Variants in SLC39A11 observed in about 807,000 individuals in gnomAD.
The protein encoded by SLC39A11 is solute carrier family 39 member 11, also known as zinc transporter ZIP11.
Under a neutral mutation model 36.1 loss-of-function variants are expected in SLC39A11, and 33 were observed. The observed-to-expected ratio is 0.91, with a 90% confidence interval of 0.69 to 1.22. The LOEUF (loss-of-function observed/expected upper bound fraction) is 1.22. Among genes scored for constraint, SLC39A11 ranks in the 50% most tolerant of loss-of-function variants. SLC39A11 has a pLI of 0.00. For synonymous variants in SLC39A11, 166 were observed against 170.3 expected (o/e 0.97, Z 0.20); for missense variants, 432 against 430.3 (o/e 1.00, Z -0.03).
intron 5 of SLC39A11, among the ~76,000 whole-genome samples, chr17:72,894,831 A>C (rs145691996): frequency 6.6e-6 from 1 of 152,090 alleles, no homozygotes; most frequent in Non-Finnish European, 1.5e-5. Flanking sequence ...GGAGTGGTCA[A>C]TTTCAGTGTG....
intron 4 of SLC39A11, among the ~76,000 whole-genome samples, chr17:73,008,159 T>G (rs1487897233): frequency 5.2e-5 from 4 of 76,204 alleles, no homozygotes; most frequent in South Asian, 1.1e-3. Context: ...TTGTTGTTTT[T>G]TTTTTGTTTT....
At chr17:72,689,577 G>A (rs1157751096) in intron 7 of SLC39A11, among the ~76,000 whole-genome samples, 2 of 152,336 alleles carry the variant, frequency 1.3e-5, no homozygotes, top group South Asian at 4.1e-4. Flanking sequence ...TCAACACAAC[G>A]TGGTGGGCAT....
intron 5 of SLC39A11, among the ~76,000 whole-genome samples, chr17:72,917,237 C>T (rs1359440939): frequency 6.6e-6 from 1 of 152,260 alleles, no homozygotes; most frequent in East Asian, 1.9e-4. Context: ...CTCTTCTCCA[C>T]TTCCGGGGTT....
chr17:73,083,832 T>C (rs1171489872), intron 3 of SLC39A11, among the ~76,000 whole-genome samples: 2 of 152,208 alleles, frequency 1.3e-5, no homozygotes, highest in Non-Finnish European at 2.9e-5. Context: ...ATGACACCTT[T>C]AGAAAGATGA....
chr17:73,054,154 G>A (rs72850983), intron 3 of SLC39A11, among the ~76,000 whole-genome samples: 37 of 152,182 alleles, frequency 2.4e-4, no homozygotes, highest in Non-Finnish European at 4.0e-4. Flanking sequence ...CACACAGTCC[G>A]GAGTTCGAGA....
At chr17:72,871,554 C>T (rs770097869) in intron 5 of SLC39A11, among the ~76,000 whole-genome samples, 3 of 152,002 alleles carry the variant, frequency 2.0e-5, no homozygotes, top group Non-Finnish European at 2.9e-5. Context: ...CACCATTGGC[C>T]AATGATTTAA....
At chr17:72,754,824 G>T (rs112280966) in intron 6 of SLC39A11, among the ~76,000 whole-genome samples, 2 of 152,160 alleles carry the variant, frequency 1.3e-5, no homozygotes, top group Non-Finnish European at 2.9e-5. Flanking sequence ...ATGCAGTGAT[G>T]GTGTGAGCAA....
chr17:72,910,488 G>T (rs1257340252), intron 5 of SLC39A11, among the ~76,000 whole-genome samples: 1 of 151,844 alleles, frequency 6.6e-6, no homozygotes, highest in Non-Finnish European at 1.5e-5. Context: ...GCCAGGCGTG[G>T]TGGCATGCGC....
intron 3 of SLC39A11, among the ~76,000 whole-genome samples, chr17:73,051,845 G>A (rs924194332): frequency 7.5e-5 from 10 of 132,900 alleles, no homozygotes; most frequent in Admixed American, 1.6e-4. Context: ...GTGACAAAGC[G>A]AGATTCCATC....
At chr17:72,679,636 C>T (rs533139391) in intron 7 of SLC39A11, among the ~76,000 whole-genome samples, 3 of 152,274 alleles carry the variant, frequency 2.0e-5, no homozygotes, top group African/African-American at 7.2e-5. Flanking sequence ...AAGGGGCCAA[C>T]GTGTGTAGAG....
intron 3 of SLC39A11, among the ~76,000 whole-genome samples, chr17:73,033,917 T>C (rs551445180): frequency 1.3e-5 from 2 of 152,216 alleles, no homozygotes; most frequent in East Asian, 1.9e-4. Context: ...CTGGGCCAAA[T>C]TCTCCCAGCA....
chr17:72,912,215 G>A (rs1450738834), intron 5 of SLC39A11, among the ~76,000 whole-genome samples: 5 of 151,938 alleles, frequency 3.3e-5, no homozygotes, highest in African/African-American at 4.8e-5. Context: ...CTCATCTCTA[G>A]CCAGTCCAAT....
chr17:72,692,256 C>T (rs1043524111), intron 7 of SLC39A11, among the ~76,000 whole-genome samples: 5 of 152,120 alleles, frequency 3.3e-5, no homozygotes, highest in African/African-American at 1.2e-4. Flanking sequence ...TGCGAACCAC[C>T]CGCCTCGGCC....
Position 72,736,675 on chromosome 17 carries a change from C to G in SLC39A11, c.646G>C (p.Ala216Pro), listed in dbSNP as rs1444359890. The G allele has an allele frequency of 2.5e-6, 4 of 1,614,048 alleles. No individual in the cohort carries two copies. The highest frequency in any genetic ancestry group is 3.4e-6 in the Non-Finnish European group (4 of 1,179,958). Residue 216 changes from alanine to proline, a missense_variant, in exon 7 of 10, where the codon GCA becomes CCA. Physicochemically the swap from Ala to Pro is conservative, Grantham distance 27. Transcript: ENST00000255559. ...CTGGCACTCTCAAAGGTAGCAGATG[C>G]CGTCTTTTCTATAGCCCCAAATCCA... Reference protein sequence around the residue: ...GVGFGAIEKTASATFESARNL... With the variant: ...GVGFGAIEKTPSATFESARNL...
chr17:72,868,115 T>C (rs893369828), intron 5 of SLC39A11, among the ~76,000 whole-genome samples: 2 of 152,252 alleles, frequency 1.3e-5, no homozygotes, highest in African/African-American at 4.8e-5. Context: ...GGCCAATTCA[T>C]GAATCGTTCG....
In SLC39A11 at chr17:72,705,541, G is replaced by A. The variant is rs143704480; in HGVS notation, c.671+31109C>T. On this transcript the variant is annotated intron_variant, in intron 7 of 9. Coordinates refer to ENST00000255559, the MANE Select transcript of SLC39A11 (RefSeq NM_139177.4). ...CTGGGTGACAGGCTGGATTAAGGGT[G>A]AATGGGTTGGCCCATCTCTTCCATC... is the stretch of plus-strand genomic sequence containing the variant. 5.3e-5 allele frequency among the ~76,000 whole-genome samples: 8 copies of A among 152,320 alleles called. No homozygotes were observed. The East Asian group carries it at 1.5e-3, about 29-fold the overall frequency.
chr17:72,758,335 A>G (rs1286306246), intron 6 of SLC39A11, among the ~76,000 whole-genome samples: 1 of 152,206 alleles, frequency 6.6e-6, no homozygotes. Flanking sequence ...GGTTACTTTA[A>G]TTGCAATCTC....
chr17:72,851,163 C>T (rs1202501817), intron 5 of SLC39A11, among the ~76,000 whole-genome samples: 1 of 152,114 alleles, frequency 6.6e-6, no homozygotes, highest in African/African-American at 2.4e-5. Flanking sequence ...TCCGTAGCAC[C>T]CAGCCCTTGG....
intron 6 of SLC39A11, among the ~76,000 whole-genome samples, chr17:72,756,726 TA>T (rs1296262369): frequency 6.6e-6 from 1 of 152,216 alleles, no homozygotes; most frequent in East Asian, 1.9e-4. Flanking sequence ...CACAACATTA[TA>T]AATGTATTTA....
Sources: gnomAD v4.1 joint callset for allele counts (sites outside exome capture counted in the v4.1 genomes callset) on GRCh38, gnomAD v4.1.1 for gene constraint, MANE v1.5 for transcripts, NCBI Gene and HGNC (gene_info 2026-07-23, HGNC 2026-07-21) for gene names.